The following FAM228B variants were observed in gnomAD, a reference collection of about 807,000 sequenced individuals.
FAM228B encodes protein FAM228B.
Under a neutral mutation model 42.6 loss-of-function variants are expected in FAM228B, and 38 were observed. The ratio of observed to expected loss-of-function variants is 0.89; its 90% CI spans 0.69 to 1.17. The LOEUF (loss-of-function observed/expected upper bound fraction) is 1.17, where lower values mean the gene tolerates loss of function less well. Ranked by LOEUF, FAM228B falls within the 50% of genes most tolerant of loss-of-function variation. The probability of loss-of-function intolerance (pLI) is 0.00; values close to 1 mark genes in which losing one functional copy is unlikely to be tolerated. For synonymous variants in FAM228B, 109 were observed against 122.3 expected (o/e 0.89, Z 0.72); for missense variants, 344 against 367.3 (o/e 0.94, Z 0.52).
upstream of FAM228B, among the ~76,000 whole-genome samples, chr2:24,120,274 A>AC (rs1411508374): frequency 1.5e-5 from 2 of 133,134 alleles, no homozygotes; most frequent in South Asian, 2.7e-4. Flanking sequence ...GTCTCAAAAA[A>AC]AAAAACAACA....
At chr2:24,142,119 C>A (rs941854541) in intron 5 of FAM228B, among the ~76,000 whole-genome samples, 2 of 152,184 alleles carry the variant, frequency 1.3e-5, no homozygotes, top group African/African-American at 4.8e-5. Context: ...CCTGGCACTT[C>A]CCAGACCCTG....
intron 3 of FAM228B, among the ~76,000 whole-genome samples, chr2:24,098,661 G>T (rs1665549068): frequency 6.6e-6 from 1 of 152,134 alleles, no homozygotes; most frequent in Non-Finnish European, 1.5e-5. Flanking sequence ...ACCAAAAAAA[G>T]TCCAGGACCA....
chr2:24,144,576 G>A (rs1468038557), intron 5 of FAM228B, among the ~76,000 whole-genome samples: 1 of 152,170 alleles, frequency 6.6e-6, no homozygotes, highest in Non-Finnish European at 1.5e-5. Flanking sequence ...TCTAAGGTGA[G>A]GAAGGAGAGG....
At chr2:24,128,897 C>G (rs1221680020) in intron 2 of FAM228B, among the ~76,000 whole-genome samples, 1 of 151,788 alleles carries the variant, frequency 6.6e-6, no homozygotes. Flanking sequence ...AAATACTCTA[C>G]TCTATGCACT....
At chr2:24,146,377 G>A (rs1666895815) in intron 5 of FAM228B, among the ~76,000 whole-genome samples, 1 of 152,124 alleles carries the variant, frequency 6.6e-6, no homozygotes, top group African/African-American at 2.4e-5. Context: ...TGTTAGTTAT[G>A]TTGTTGATTA....
chr2:24,125,024 A>T (rs1015831838), intron 2 of FAM228B, among the ~76,000 whole-genome samples: 1 of 152,074 alleles, frequency 6.6e-6, no homozygotes, highest in Non-Finnish European at 1.5e-5. Context: ...TTTAGATTGT[A>T]GTTTCTTTTT....
Position 24,097,451 on chromosome 2 carries a change from C to CAAA in FAM228B, c.-121+2240_-121+2242dup, listed in dbSNP as rs142500481. 4.0e-3 allele frequency: 283 copies of CAAA among 70,340 alleles called. 2 individuals carry two copies. Among genetic ancestry groups the CAAA allele is most frequent in the African/African-American group, 9.1e-3 (159 of 17,528 alleles). 4.4% of individuals were successfully genotyped at this position (70,340 alleles called of 1,614,324 possible). On this transcript the variant is annotated intron_variant, in intron 3 of 10. Transcript: ENST00000613899. ...GAAGATATACCAAGCAAATGGAAAG[C>CAAA]AAAAAAAAAAAAAAAAAAAAGCAGG...
chr2:24,128,204 T>C (rs1666362623), intron 2 of FAM228B, among the ~76,000 whole-genome samples: 1 of 152,226 alleles, frequency 6.6e-6, no homozygotes, highest in Non-Finnish European at 1.5e-5. Flanking sequence ...ATAATTTGTG[T>C]CCCTAGAAGT....
chr2:24,113,961 A>T (rs1253796722), intron 3 of FAM228B, among the ~76,000 whole-genome samples: 2 of 150,428 alleles, frequency 1.3e-5, no homozygotes, highest in Non-Finnish European at 3.0e-5. Flanking sequence ...CAAGGCTACC[A>T]ATCAAAAACT....
chr2:24,165,232 C>T, intron 9 of FAM228B: 3 of 316,350 alleles, frequency 9.5e-6, no homozygotes, highest in South Asian at 5.5e-5. Context: ...GCACCGATGT[C>T]TCCAGCTGAC....
At chr2:24,164,433 C>T (rs1667352259) in intron 9 of FAM228B, 98 bp downstream of exon 9, 1 of 1,324,108 alleles carries the variant, frequency 7.6e-7, no homozygotes, top group Admixed American at 2.5e-5. Flanking sequence ...GGCAGGCTTC[C>T]AGGAAGAGAG....
At chr2:24,166,311 G>A (rs1573790611) in intron 9 of FAM228B, 1 of 151,860 alleles carries the variant, frequency 6.6e-6, no homozygotes, top group Non-Finnish European at 1.5e-5. Flanking sequence ...AAATCAGCAC[G>A]TGAATGGCCT....
upstream of FAM228B, chr2:24,121,294 G>T: frequency 6.2e-7 from 1 of 1,614,136 alleles, no homozygotes; most frequent in Non-Finnish European, 8.5e-7. Context: ...ACATCACTGG[G>T]CGTTACCTGG....
chr2:24,169,236 G>C lies in FAM228B; in HGVS notation c.*15-120G>C, dbSNP rs143458432. 3 of 339,232 alleles carry C rather than the reference G, an allele frequency of 8.8e-6. No homozygotes were observed. The highest frequency in any genetic ancestry group is 6.2e-5 in the African/African-American group (3 of 48,172). 21.0% of individuals were successfully genotyped at this position (339,232 alleles called of 1,614,324 possible). Reference sequence around the variant, plus strand: ...ACCCTGCCTGAGAGATGAGTCACTCGGCTCTGGCAGGACAGGCTTCAGGGG... The same window carrying C: ...ACCCTGCCTGAGAGATGAGTCACTCCGCTCTGGCAGGACAGGCTTCAGGGG... On this transcript the variant is annotated intron_variant, in intron 10 of 10. Transcript: ENST00000615575. This position sits in a 1 kb window ranked among gnomAD's most constrained non-coding sequence, Gnocchi z 4.2.
At chr2:24,141,706 G>C (rs1666752722) in intron 5 of FAM228B, among the ~76,000 whole-genome samples, 1 of 152,314 alleles carries the variant, frequency 6.6e-6, no homozygotes, top group East Asian at 1.9e-4. Context: ...ATGGTATTTA[G>C]GGGATAATTT....
chr2:24,097,991 A>AC (rs1337951243), intron 3 of FAM228B, among the ~76,000 whole-genome samples: 29 of 152,340 alleles, frequency 1.9e-4, no homozygotes, highest in African/African-American at 5.5e-4. Context: ...ACTCAAATCC[A>AC]CACAACTACA....
chr2:24,143,572 T>C (rs1033566588), intron 5 of FAM228B, among the ~76,000 whole-genome samples: 20 of 152,182 alleles, frequency 1.3e-4, no homozygotes, highest in African/African-American at 4.8e-4. Flanking sequence ...TCTCAACAGA[T>C]TGCTTGCAGA....
At chr2:24,118,436 CATTG>C (rs1400195251) in intron 3 of FAM228B, among the ~76,000 whole-genome samples, 7 of 152,224 alleles carry the variant, frequency 4.6e-5, no homozygotes, top group African/African-American at 1.7e-4. Context: ...CGAAGTAATT[CATTG>C]ATTTATTCAT....
chr2:24,157,907 AAC>A (rs1364061577), intron 7 of FAM228B, among the ~76,000 whole-genome samples: 1 of 152,146 alleles, frequency 6.6e-6, no homozygotes, highest in Non-Finnish European at 1.5e-5. Flanking sequence ...TCAGAAACTG[AAC>A]TAAGGTCTCT....
Sources: gnomAD v4.1 joint callset for allele counts (sites outside exome capture counted in the v4.1 genomes callset) on GRCh38, gnomAD v4.1.1 for gene constraint, Gnocchi (gnomAD v3.1) non-coding constraint, MANE v1.5 for transcripts, NCBI Gene and HGNC (gene_info 2026-07-23, HGNC 2026-07-21) for gene names.